Variants in LPA observed in about 807,000 individuals in gnomAD.
The protein encoded by LPA is apolipoprotein(a).
Under a neutral mutation model 197.9 loss-of-function variants are expected in LPA, and 199 were observed. The ratio of observed to expected loss-of-function variants is 1.01; its 90% CI spans 0.90 to 1.13. The LOEUF (loss-of-function observed/expected upper bound fraction) is 1.13, where lower values mean the gene tolerates loss of function less well. Among genes scored for constraint, LPA ranks in the 50% most tolerant of loss-of-function variants. The pLI is 0.00. For missense variants in LPA, 1,853 were observed against 1,785.8 expected (o/e 1.04, Z -0.68); for synonymous variants, 715 against 639.5 (o/e 1.12, Z -1.78).
At chr6:160,607,722 C>T (rs1291716041) in intron 16 of LPA, among the ~76,000 whole-genome samples, 3 of 152,086 alleles carry the variant, frequency 2.0e-5, no homozygotes, top group Non-Finnish European at 1.5e-5. Flanking sequence ...ATACATGTGG[C>T]CTAGTGTCAA....
At chr6:160,539,167 T>C (rs1777938726) in intron 36 of LPA, among the ~76,000 whole-genome samples, 1 of 152,184 alleles carries the variant, frequency 6.6e-6, no homozygotes, top group Non-Finnish European at 1.5e-5. Flanking sequence ...AACCAGGCCA[T>C]GCTCATCCCT....
At chr6:160,662,677 C>A (rs1333129364) in intron 1 of LPA, among the ~76,000 whole-genome samples, 2 of 152,148 alleles carry the variant, frequency 1.3e-5, no homozygotes, top group East Asian at 1.9e-4. Flanking sequence ...ACATAGACAC[C>A]AATTTCCCCA....
chr6:160,611,001 G>A (rs1263524778), intron 16 of LPA, among the ~76,000 whole-genome samples: 5 of 152,080 alleles, frequency 3.3e-5, no homozygotes, highest in Non-Finnish European at 5.9e-5. Flanking sequence ...CCCTCTCTGT[G>A]CTGACTCTCA....
chr6:160,596,921 T>C (rs1779144147), intron 20 of LPA, among the ~76,000 whole-genome samples: 2 of 152,210 alleles, frequency 1.3e-5, no homozygotes, highest in African/African-American at 4.8e-5. Context: ...AATTCCTTAG[T>C]GATGTTTTCT....
intron 28 of LPA, among the ~76,000 whole-genome samples, chr6:160,566,369 G>A (rs1301711613): frequency 6.6e-6 from 1 of 152,156 alleles, no homozygotes; most frequent in Non-Finnish European, 1.5e-5. Flanking sequence ...TTTCAACTGA[G>A]AATATCATAT....
Position 160,585,201 on chromosome 6 carries a change from T to A in LPA, c.4134A>T (p.Pro1378=). The change falls in exon 26 of 39, where the codon CCA becomes CCT. Residue 1378 remains proline, a synonymous_variant. Transcript: ENST00000316300. The part of the protein sequence containing the change: ...PSTELPSEEA[P]TENSTGVQDC... ...CCTGGACCCCAGTGCTGTTTTCAGT[T>A]GGTGCTGAAATTAAAAGAGAAAATC... 6.2e-7 allele frequency: 1 copy of A among 1,613,728 alleles called. No homozygotes were observed. Among genetic ancestry groups the A allele is most frequent in the Admixed American group, 1.7e-5 (1 of 59,990 alleles).
At chr6:160,598,776 G>A (rs901951109) in intron 20 of LPA, among the ~76,000 whole-genome samples, 1 of 152,142 alleles carries the variant, frequency 6.6e-6, no homozygotes, top group Non-Finnish European at 1.5e-5. Flanking sequence ...AAAAGAAGTA[G>A]ATAGAAAAAG....
Position 160,647,188 on chromosome 6 carries a change from G to T in LPA, c.210-793C>A, listed in dbSNP as rs190881688. On this transcript the variant is annotated intron_variant, in intron 2 of 38. Transcript: ENST00000316300. ...TGGGGGATGAGTTGAAAGAACAGTG[G>T]GTCCCATGGCATAAAGGAAGATGGC... Among the ~76,000 whole-genome samples the T allele has an allele frequency of 4.1e-4, 62 of 152,230 alleles. No homozygotes were observed. In the East Asian group the frequency reaches 0.01, roughly 25 times the overall value.
chr6:160,538,174 A>G (rs1343069827), intron 36 of LPA, among the ~76,000 whole-genome samples: 1 of 152,204 alleles, frequency 6.6e-6, no homozygotes, highest in East Asian at 1.9e-4. Context: ...TTTGAAAGGC[A>G]TCAGTTGCAT....
chr6:160,588,141 G>A (rs1778951877), intron 24 of LPA, among the ~76,000 whole-genome samples: 1 of 152,024 alleles, frequency 6.6e-6, no homozygotes, highest in Admixed American at 6.5e-5. Context: ...TCCCAGTTAT[G>A]TATCACAGTG....
Position 160,531,652 on chromosome 6 carries a change from T to C in LPA, c.*77A>G. The C allele has an allele frequency of 6.3e-7, 1 of 1,578,398 alleles. No individual in the cohort carries two copies. Among genetic ancestry groups the C allele is most frequent in the South Asian group, 1.1e-5 (1 of 90,036 alleles). ...AGTGTCTTCGTTTGATTGCTGTCTA[T>C]TATTTCCAGCATGCTAAATCCTTAC... is the stretch of plus-strand genomic sequence containing the variant. On this transcript the variant is annotated 3_prime_UTR_variant, in exon 39 of 39. Transcript: ENST00000316300.
At chr6:160,652,674 A>T (rs1427686848) in intron 1 of LPA, among the ~76,000 whole-genome samples, 2 of 152,172 alleles carry the variant, frequency 1.3e-5, no homozygotes, top group East Asian at 3.8e-4. Context: ...ACTTTAAAAA[A>T]CAACTGATTA....
chr6:160,588,225 G>A (rs1397478384), intron 24 of LPA, among the ~76,000 whole-genome samples: 1 of 151,690 alleles, frequency 6.6e-6, no homozygotes, highest in South Asian at 2.1e-4. Context: ...TGAGCAACTT[G>A]TATTTGTCCC....
At chr6:160,598,838 A>G (rs1016808079) in intron 20 of LPA, among the ~76,000 whole-genome samples, 20 of 152,222 alleles carry the variant, frequency 1.3e-4, no homozygotes, top group African/African-American at 4.8e-4. Context: ...CCCAAGATGC[A>G]AAAGGCCAAC....
intron 30 of LPA, among the ~76,000 whole-genome samples, chr6:160,552,873 C>G (rs62441901): frequency 0.058 from 8,757 of 152,134 alleles, 322 homozygotes; most frequent in Middle Eastern, 0.15. Flanking sequence ...TACAATAATG[C>G]TATGTATTTT....
At chr6:160,544,665 G>A (rs1778036308) in intron 33 of LPA, among the ~76,000 whole-genome samples, 2 of 152,138 alleles carry the variant, frequency 1.3e-5, no homozygotes, top group Non-Finnish European at 2.9e-5. Flanking sequence ...CCAACCACAA[G>A]CAACCAAATT....
rs138919900 is a variant in LPA, at chr6:160,534,541, A to G, written c.5843-1892T>C. 2.6e-5 allele frequency among the ~76,000 whole-genome samples: 4 copies of G among 152,186 alleles called. No individual in the cohort carries two copies. The East Asian group carries it at 7.7e-4, about 29-fold the overall frequency. ...GGATGAGCCCCTTGGCCTCAACACC[A>G]CTCTGCACTTGGTACATCCAAATCC... On this transcript the variant is annotated intron_variant, in intron 37 of 38. Coordinates refer to ENST00000316300, the MANE Select transcript of LPA (RefSeq NM_005577.4).
At chr6:160,646,801 C>T (rs1779888844) in intron 2 of LPA, among the ~76,000 whole-genome samples, 1 of 148,442 alleles carries the variant, frequency 6.7e-6, no homozygotes, top group East Asian at 2.0e-4. Context: ...TCTGTCTAGT[C>T]TCCGTATCTC....
At chr6:160,590,645 T>C (rs1410001291) in intron 23 of LPA, among the ~76,000 whole-genome samples, 1 of 152,130 alleles carries the variant, frequency 6.6e-6, no homozygotes, top group African/African-American at 2.4e-5. Flanking sequence ...TTTGGCAGGA[T>C]GTTAGAATAT....
Sources: allele counts gnomAD v4.1 joint callset (sites outside exome capture counted in the v4.1 genomes callset), GRCh38; gene constraint gnomAD v4.1.1; transcripts MANE v1.5; gene names NCBI Gene and HGNC (gene_info 2026-07-23, HGNC 2026-07-21).